GPHN: variants seen among roughly 807,000 people sequenced by gnomAD.
GPHN encodes gephyrin.
GPHN carries 17 observed loss-of-function variants against 95.5 expected under a neutral mutation model. The ratio of observed to expected loss-of-function variants is 0.18; its 90% CI spans 0.12 to 0.27. The LOEUF (loss-of-function observed/expected upper bound fraction) is 0.27, where lower values mean the gene tolerates loss of function less well. GPHN is among the 10% of genes least tolerant of loss of function. The pLI, the probability that GPHN is intolerant of heterozygous loss-of-function variation, is 1.00. For synonymous variants in GPHN, 320 were observed against 322.5 expected, an observed-to-expected ratio of 0.99 and a Z score of 0.08; for missense variants, 660 against 978.1, an observed-to-expected ratio of 0.67 and a Z score of 4.34.
chr14:67,226,868 A>T, the GPHN span, among the ~76,000 whole-genome samples: 1 of 152,140 alleles, frequency 6.6e-6, no homozygotes, highest in East Asian at 1.9e-4. Context: ...AACTTGTTGT[A>T]TGGTGTGGAG....
chr14:66,667,334 C>T (rs1595470850), intron 1 of GPHN, among the ~76,000 whole-genome samples: 1 of 152,062 alleles, frequency 6.6e-6, no homozygotes, highest in Non-Finnish European at 1.5e-5. Flanking sequence ...AAAAAAGAGC[C>T]TGAATAGCCC....
chr14:67,264,313 A>G, the GPHN span, among the ~76,000 whole-genome samples: 5 of 152,218 alleles, frequency 3.3e-5, no homozygotes, highest in Non-Finnish European at 7.3e-5. Flanking sequence ...TTGAGTACAT[A>G]GTGAGAATCA....
the GPHN span, chr14:67,686,404 C>G: frequency 2.0e-5 from 3 of 151,916 alleles, no homozygotes; most frequent in Non-Finnish European, 4.4e-5. Flanking sequence ...TTTGGGAGGC[C>G]AAGGCAGGTG....
chr14:67,384,462 CTACAG>C, the GPHN span: 1 of 151,778 alleles, frequency 6.6e-6, no homozygotes, highest in African/African-American at 2.4e-5. Context: ...GAAGTTACAG[CTACAG>C]TAGTCAGGTG....
chr14:67,454,977 G>A, the GPHN span, among the ~76,000 whole-genome samples: 2 of 151,932 alleles, frequency 1.3e-5, no homozygotes, highest in Non-Finnish European at 2.9e-5. Context: ...AGCCTCCCAC[G>A]TAACTGGGAT....
intron 5 of GPHN, among the ~76,000 whole-genome samples, chr14:66,905,184 C>T (rs552112795): frequency 2.1e-4 from 32 of 151,942 alleles, no homozygotes; most frequent in Non-Finnish European, 3.7e-4. Flanking sequence ...CTGACTCTTT[C>T]CTCTGCTTGA....
At chr14:67,224,638 C>A in the GPHN span, 1 of 295,966 alleles carries the variant, frequency 3.4e-6, no homozygotes, top group Non-Finnish European at 6.6e-6. Context: ...TTTTTTTTTA[C>A]AGTGAGCCCA....
chr14:67,058,762 G>T lies in GPHN; in HGVS notation c.1120G>T (p.Gly374Trp). The change falls in exon 11 of 23, where the codon GGG becomes TGG. Residue 374 changes from glycine (G) to tryptophan (W), a missense_variant. This residue lies in a region of GPHN where 257 missense variants were observed against 376.2 expected (regional missense o/e 0.68). Coordinates refer to ENST00000478722, the MANE Select transcript of GPHN (RefSeq NM_020806.5). ...AGTCCTGGAGATGACTCCGGTGCTT[G>T]GGACAGAAATCATCAATTACCGAGG... ...ITVLEMTPVLGTEIINYRDGM... is the reference protein window; with the variant it reads ...ITVLEMTPVLWTEIINYRDGM... The T allele has an allele frequency of 6.2e-7, 1 of 1,613,714 alleles. No individual in the cohort carries two copies. Among genetic ancestry groups the T allele is most frequent in the Non-Finnish European group, 8.5e-7 (1 of 1,179,708 alleles).
At chr14:66,869,765 G>T (rs1009944907) in intron 4 of GPHN, among the ~76,000 whole-genome samples, 2 of 152,192 alleles carry the variant, frequency 1.3e-5, no homozygotes, top group East Asian at 1.9e-4. Context: ...TCTATGCTAA[G>T]TGATTTATCA....
chr14:67,359,785 T>C, the GPHN span: 1 of 1,489,468 alleles, frequency 6.7e-7, no homozygotes, highest in Admixed American at 1.7e-5. Flanking sequence ...TGTCTTCCTC[T>C]ACGGGAGTCA....
At chr14:67,558,431 G>A in the GPHN span, among the ~76,000 whole-genome samples, 7 of 152,136 alleles carry the variant, frequency 4.6e-5, no homozygotes, top group Admixed American at 4.6e-4. Flanking sequence ...ATGTGCTCCT[G>A]AAAATTGATG....
chr14:67,165,087 A>T (rs879776889), intron 19 of GPHN, 75 bp from the exon 20 acceptor site: 1 of 1,012,394 alleles, frequency 9.9e-7, no homozygotes, highest in Non-Finnish European at 1.6e-6. Flanking sequence ...TATGGATTAC[A>T]AAAACACTGG....
the GPHN span, among the ~76,000 whole-genome samples, chr14:67,297,235 T>A: frequency 6.6e-6 from 1 of 152,240 alleles, no homozygotes; most frequent in Non-Finnish European, 1.5e-5. Flanking sequence ...CAACATTTTT[T>A]GGCAGTACCA....
chr14:67,646,340 G>T, the GPHN span: 1 of 349,148 alleles, frequency 2.9e-6, no homozygotes, highest in East Asian at 5.7e-5. Flanking sequence ...TCAGTAATGT[G>T]CAATGGGATA....
intron 2 of GPHN, among the ~76,000 whole-genome samples, chr14:66,727,974 G>A (rs1439184155): frequency 6.6e-6 from 1 of 152,138 alleles, no homozygotes; most frequent in Non-Finnish European, 1.5e-5. Context: ...GAGGAAAAAT[G>A]GTTTCACGGG....
intron 9 of GPHN, among the ~76,000 whole-genome samples, chr14:66,968,692 A>G (rs1045084732): frequency 6.6e-6 from 1 of 152,110 alleles, no homozygotes; most frequent in Non-Finnish European, 1.5e-5. Context: ...TTTTGTGTCT[A>G]TTATTTGACT....
At chr14:67,633,932 C>T in the GPHN span, among the ~76,000 whole-genome samples, 1 of 152,144 alleles carries the variant, frequency 6.6e-6, no homozygotes. Flanking sequence ...TCTCTGTTCC[C>T]GCCACACCCT....
chr14:66,988,112 C>G (rs542071253), intron 9 of GPHN, among the ~76,000 whole-genome samples: 11 of 151,756 alleles, frequency 7.2e-5, no homozygotes, highest in Admixed American at 5.3e-4. Context: ...CTTTCTGTCT[C>G]TTTTCCCCCT....
the GPHN span, chr14:67,570,396 A>G: frequency 1.4e-4 from 69 of 476,648 alleles, no homozygotes; most frequent in Admixed American, 1.8e-4. Context: ...AAAATCAGAT[A>G]GAATTGCAAT....
Sources: gnomAD v4.1 joint callset for allele counts (sites outside exome capture counted in the v4.1 genomes callset) on GRCh38, gnomAD v4.1.1 for gene constraint, gnomAD v4.1.1 regional missense constraint, MANE v1.5 for transcripts, NCBI Gene and HGNC (gene_info 2026-07-23, HGNC 2026-07-21) for gene names.